Variants in HCRTR2 observed in about 807,000 individuals in gnomAD.
The protein encoded by HCRTR2 is hypocretin receptor 2, also known as orexin receptor type 2.
A neutral mutation model predicts 49.0 loss-of-function variants in HCRTR2; 22 were observed. The observed-to-expected ratio is 0.45, with a 90% confidence interval of 0.32 to 0.64. The LOEUF (loss-of-function observed/expected upper bound fraction) is 0.64, where lower values mean the gene tolerates loss of function less well. HCRTR2 is among the 30% of genes least tolerant of loss of function. The pLI, the probability that HCRTR2 is intolerant of heterozygous loss-of-function variation, is 0.04. For synonymous variants in HCRTR2, 236 were observed against 205.3 expected (o/e 1.15, Z -1.28); for missense variants, 491 against 559.4 (o/e 0.88, Z 1.23).
chr6:55,138,824 T>A (rs896344279), intron 1 of HCRTR2, among the ~76,000 whole-genome samples: 3 of 152,224 alleles, frequency 2.0e-5, no homozygotes, highest in Non-Finnish European at 2.9e-5. Context: ...CAACTATATA[T>A]GTTTGTTCAT....
intron 1 of HCRTR2, among the ~76,000 whole-genome samples, chr6:55,121,140 T>G (rs184455672): frequency 1.3e-5 from 2 of 152,272 alleles, no homozygotes; most frequent in East Asian, 3.9e-4. Context: ...TTGTATCCTC[T>G]TTTATTTCGT....
At chr6:55,167,787 A>G (rs1414540902) in intron 1 of HCRTR2, among the ~76,000 whole-genome samples, 24 of 152,136 alleles carry the variant, frequency 1.6e-4, no homozygotes, top group Admixed American at 1.6e-3. Context: ...CAAGACTTGA[A>G]CCCACTCTTT....
chr6:55,163,072 T>G (rs1394067533), intron 1 of HCRTR2, among the ~76,000 whole-genome samples: 1 of 151,906 alleles, frequency 6.6e-6, no homozygotes, highest in Admixed American at 6.6e-5. Context: ...CCGTCTCTAC[T>G]AAAAATACAA....
chr6:55,208,323 A>AAT (rs1484042610), intron 1 of HCRTR2, among the ~76,000 whole-genome samples: 4,192 of 148,558 alleles, frequency 0.028, 62 homozygotes, highest in African/African-American at 0.037. Context: ...GAAAAATAAA[A>AAT]AAATAAAAAA....
intron 1 of HCRTR2, among the ~76,000 whole-genome samples, chr6:55,209,931 G>A (rs985432642): frequency 3.3e-5 from 5 of 152,094 alleles, no homozygotes; most frequent in African/African-American, 1.2e-4. Context: ...TATTCGGTTA[G>A]AACAAAAGTG....
chr6:55,122,673 T>C (rs906714051), intron 1 of HCRTR2, among the ~76,000 whole-genome samples: 6 of 152,086 alleles, frequency 3.9e-5, no homozygotes, highest in African/African-American at 1.4e-4. Context: ...CACACATATG[T>C]TTATTGTGGC....
chr6:55,138,045 G>A lies in HCRTR2; in HGVS notation c.-378+31500G>A, dbSNP rs149550730. Among the ~76,000 whole-genome samples, 15 of 152,238 alleles carry A rather than the reference G, an allele frequency of 9.9e-5. No homozygotes were observed. In the East Asian group the frequency reaches 2.9e-3, roughly 29 times the overall value. ...GAGAACGGGATATACTGCATTTAATGTGCCAGCAGTAGAGCTTATTTTATG... is the reference window on the plus strand; with the variant it reads ...GAGAACGGGATATACTGCATTTAATATGCCAGCAGTAGAGCTTATTTTATG... On this transcript the variant is annotated intron_variant, in intron 1 of 7. Transcript: ENST00000615358.
intron 1 of HCRTR2, among the ~76,000 whole-genome samples, chr6:55,186,992 A>G (rs1448621245): frequency 1.3e-5 from 2 of 152,162 alleles, no homozygotes; most frequent in African/African-American, 2.4e-5. Flanking sequence ...ATAGTTCTAG[A>G]CACTTTATTT....
chr6:55,258,172 C>T (rs956544579), intron 3 of HCRTR2, among the ~76,000 whole-genome samples: 4 of 151,920 alleles, frequency 2.6e-5, no homozygotes, highest in African/African-American at 9.7e-5. Flanking sequence ...TTTTAAAGGC[C>T]AACTGTCATT....
At chr6:55,246,261 G>T (rs1766441767) in intron 1 of HCRTR2, among the ~76,000 whole-genome samples, 1 of 151,970 alleles carries the variant, frequency 6.6e-6, no homozygotes, top group Non-Finnish European at 1.5e-5. Context: ...CTTTTTTACA[G>T]CAGCCTTAGA....
chr6:55,123,170 A>G (rs1348221331), intron 1 of HCRTR2, among the ~76,000 whole-genome samples: 1 of 151,532 alleles, frequency 6.6e-6, no homozygotes, highest in Non-Finnish European at 1.5e-5. Flanking sequence ...AAGTTAAAAA[A>G]AGGAGTGGTG....
At chr6:55,218,800 C>A (rs560394394) in intron 1 of HCRTR2, among the ~76,000 whole-genome samples, 17 of 152,068 alleles carry the variant, frequency 1.1e-4, no homozygotes, top group Admixed American at 1.1e-3. Flanking sequence ...GACAGCAATA[C>A]AACAATAGTA....
chr6:55,249,773 GT>G (rs1206560492), intron 2 of HCRTR2, among the ~76,000 whole-genome samples: 3 of 152,052 alleles, frequency 2.0e-5, no homozygotes, highest in African/African-American at 4.8e-5. Context: ...ATCAGATAAT[GT>G]TCACATTCAC....
At chr6:55,150,162 T>C (rs1764645203) in intron 1 of HCRTR2, among the ~76,000 whole-genome samples, 1 of 151,902 alleles carries the variant, frequency 6.6e-6, no homozygotes, top group Non-Finnish European at 1.5e-5. Context: ...TTTATTAAGA[T>C]ATTATTGACA....
chr6:55,235,181 T>C (rs75295305), intron 1 of HCRTR2, among the ~76,000 whole-genome samples: 3,227 of 152,182 alleles, frequency 0.021, 65 homozygotes, highest in Middle Eastern at 0.075. Context: ...GCAGGGGGGA[T>C]GTTGTTGGAG....
chr6:55,269,813 G>T (rs575032631), intron 4 of HCRTR2, among the ~76,000 whole-genome samples: 4 of 152,126 alleles, frequency 2.6e-5, no homozygotes, highest in Admixed American at 1.3e-4. Flanking sequence ...ACAAAAATGA[G>T]CCAGGCATGG....
chr6:55,275,608 A>ATTTT (rs3065694), intron 4 of HCRTR2, among the ~76,000 whole-genome samples: 3 of 133,106 alleles, frequency 2.3e-5, no homozygotes, highest in Non-Finnish European at 4.8e-5. Flanking sequence ...TGAAAACTGT[A>ATTTT]TTTTTTTTTT....
chr6:55,229,420 A>G (rs1322463469), intron 1 of HCRTR2, among the ~76,000 whole-genome samples: 1 of 152,192 alleles, frequency 6.6e-6, no homozygotes, highest in African/African-American at 2.4e-5. Flanking sequence ...AATAATTTAA[A>G]TCAAAATGTT....
chr6:55,133,765 A>G (rs939434748), intron 1 of HCRTR2, among the ~76,000 whole-genome samples: 2 of 151,640 alleles, frequency 1.3e-5, no homozygotes, highest in Non-Finnish European at 3.0e-5. Context: ...ATAGCTTTTT[A>G]TATTAGGAAT....
Sources: gnomAD v4.1 joint callset for allele counts (sites outside exome capture counted in the v4.1 genomes callset) on GRCh38, gnomAD v4.1.1 for gene constraint, MANE v1.5 for transcripts, NCBI Gene and HGNC (gene_info 2026-07-23, HGNC 2026-07-21) for gene names.